FOXP2: variants seen among roughly 807,000 people sequenced by gnomAD.
The protein encoded by FOXP2 is forkhead box P2, also known as forkhead box protein P2.
In FOXP2, 12 loss-of-function variants were observed where a neutral mutation model predicts 115.8. That is an observed-to-expected ratio of 0.10 (90% CI 0.07 to 0.17). FOXP2 has a LOEUF of 0.17. FOXP2 is among the 10% of genes least tolerant of loss of function. The pLI, the probability that FOXP2 is intolerant of heterozygous loss-of-function variation, is 1.00. For synonymous variants in FOXP2, 328 were observed against 297.7 expected (o/e 1.10, Z -1.05); for missense variants, 629 against 843.5 (o/e 0.75, Z 3.15).
intron 1 of FOXP2, among the ~76,000 whole-genome samples, chr7:114,139,792 C>T (rs1267199062): frequency 6.6e-6 from 1 of 151,976 alleles, no homozygotes; most frequent in Non-Finnish European, 1.5e-5. Flanking sequence ...GACACAGTAA[C>T]AGGCCTAAAA....
At chr7:114,271,874 GATT>G (rs969067530) in intron 1 of FOXP2, among the ~76,000 whole-genome samples, 7 of 120,708 alleles carry the variant, frequency 5.8e-5, no homozygotes, top group African/African-American at 2.3e-4. Context: ...ATTATAATAT[GATT>G]ATTAATTATA....
chr7:114,551,648 A>C (rs1421837252), intron 3 of FOXP2, among the ~76,000 whole-genome samples: 1 of 152,190 alleles, frequency 6.6e-6, no homozygotes, highest in Non-Finnish European at 1.5e-5. Context: ...AGGTGATTAA[A>C]AGGAAAATGG....
rs1436939063 is a variant in FOXP2 at position 114,628,562 on chromosome 7, T to A, written c.281T>A (p.Met94Lys). ...AAGGTGCCTGTGTCAGTGGCCATGA[T>A]GACTCCCCAGGTGATCACCCCTCAG... The part of the protein sequence containing the change: ...PLQVPVSVAM[M>K]TPQVITPQQM... Residue 94 changes from methionine (M) to lysine (K), a missense_variant, in exon 4 of 17, where the codon ATG (methionine) becomes AAG (lysine). By Grantham distance (95) the Met-to-Lys change is moderately conservative. Transcript: ENST00000350908. 1 of 1,614,140 alleles carries A rather than the reference T, an allele frequency of 6.2e-7. No individual in the cohort carries two copies. Among genetic ancestry groups the A allele is most frequent in the Non-Finnish European group, 8.5e-7 (1 of 1,179,996 alleles).
chr7:114,190,851 C>A (rs1439548941), intron 1 of FOXP2, among the ~76,000 whole-genome samples: 1 of 152,056 alleles, frequency 6.6e-6, no homozygotes, highest in Non-Finnish European at 1.5e-5. Context: ...AAATTGCTAT[C>A]AAATTGTAAA....
intron 2 of FOXP2, among the ~76,000 whole-genome samples, chr7:114,321,555 A>G (rs1171199050): frequency 2.0e-5 from 3 of 152,148 alleles, no homozygotes; most frequent in Non-Finnish European, 2.9e-5. Flanking sequence ...CTACTTTACC[A>G]GGAAATCTGC....
At chr7:114,094,328 A>G (rs1026337701) in intron 1 of FOXP2, among the ~76,000 whole-genome samples, 1 of 152,210 alleles carries the variant, frequency 6.6e-6, no homozygotes, top group African/African-American at 2.4e-5. Context: ...ACACTAATAC[A>G]CAAATATTTT....
chr7:114,677,030 G>T (rs143721827), intron 16 of FOXP2, among the ~76,000 whole-genome samples: 10,190 of 151,990 alleles, frequency 0.067, 370 homozygotes, highest in South Asian at 0.095. Flanking sequence ...GCCGGGCGTG[G>T]TTGCGCGCGC....
chr7:114,427,111 C>G (rs1410553644), intron 2 of FOXP2, among the ~76,000 whole-genome samples: 3 of 151,700 alleles, frequency 2.0e-5, no homozygotes, highest in Admixed American at 1.3e-4. Flanking sequence ...AAGACAGATG[C>G]TTGCCTGCGT....
intron 1 of FOXP2, among the ~76,000 whole-genome samples, chr7:114,140,812 G>A (rs1404877247): frequency 6.6e-6 from 1 of 152,198 alleles, no homozygotes; most frequent in East Asian, 1.9e-4. Context: ...CCCTGAGGGT[G>A]GAAGGGATCA....
At chr7:114,324,848 T>A (rs1307742213) in intron 2 of FOXP2, among the ~76,000 whole-genome samples, 1 of 151,928 alleles carries the variant, frequency 6.6e-6, no homozygotes, top group Non-Finnish European at 1.5e-5. Context: ...AAAAAGGGAT[T>A]TATATGTTTT....
intron 6 of FOXP2, among the ~76,000 whole-genome samples, chr7:114,636,289 T>C (rs1372991544): frequency 2.6e-5 from 4 of 152,186 alleles, no homozygotes; most frequent in African/African-American, 9.6e-5. Flanking sequence ...TCAATTATTC[T>C]GGCCATGTAT....
intron 2 of FOXP2, among the ~76,000 whole-genome samples, chr7:114,513,099 C>T (rs1012279796): frequency 5.9e-5 from 9 of 152,034 alleles, no homozygotes; most frequent in Non-Finnish European, 1.3e-4. Flanking sequence ...AAACAAACAA[C>T]AACAACAAAA....
chr7:114,596,834 A>G (rs1189607396), intron 3 of FOXP2, among the ~76,000 whole-genome samples: 1 of 152,054 alleles, frequency 6.6e-6, no homozygotes, highest in Non-Finnish European at 1.5e-5. Flanking sequence ...TGTGATAACA[A>G]AGCTTGATAT....
At chr7:114,245,505 T>C (rs1309356461) in intron 1 of FOXP2, among the ~76,000 whole-genome samples, 3 of 152,252 alleles carry the variant, frequency 2.0e-5, no homozygotes, top group Non-Finnish European at 4.4e-5. Context: ...TGTATCTATA[T>C]ATCCAACTTA....
chr7:114,373,962 A>G (rs1792076788), intron 2 of FOXP2, among the ~76,000 whole-genome samples: 1 of 152,160 alleles, frequency 6.6e-6, no homozygotes, highest in South Asian at 2.1e-4. Flanking sequence ...AGAAGCTGTT[A>G]TCTCCTCTGA....
At chr7:114,261,964 A>G (rs954683875) in intron 1 of FOXP2, among the ~76,000 whole-genome samples, 1 of 152,140 alleles carries the variant, frequency 6.6e-6, no homozygotes, top group African/African-American at 2.4e-5. Context: ...AGGCTGAGGC[A>G]GGAGAATTGC....
intron 1 of FOXP2, 141 bp downstream of exon 1, chr7:114,415,501 T>C: frequency 2.8e-6 from 1 of 358,002 alleles, no homozygotes; most frequent in East Asian, 7.4e-5. Flanking sequence ...AACTAGAGCA[T>C]TGTATCTGTT....
chr7:114,233,314 C>T (rs1432798949), intron 1 of FOXP2, among the ~76,000 whole-genome samples: 1 of 151,994 alleles, frequency 6.6e-6, no homozygotes, highest in African/African-American at 2.4e-5. Context: ...CATCTTTATC[C>T]TCTGCATTTT....
At chr7:114,291,920 A>T (rs1796607278) in intron 2 of FOXP2, among the ~76,000 whole-genome samples, 1 of 143,898 alleles carries the variant, frequency 6.9e-6, no homozygotes, top group African/African-American at 2.5e-5. Context: ...AATATATATT[A>T]TAGATAATAT....
Sources: gnomAD v4.1 joint callset for allele counts (sites outside exome capture counted in the v4.1 genomes callset) on GRCh38, gnomAD v4.1.1 for gene constraint, MANE v1.5 for transcripts, NCBI Gene and HGNC (gene_info 2026-07-23, HGNC 2026-07-21) for gene names.